The following LRP1B variants were observed in gnomAD, a reference collection of about 807,000 sequenced individuals.
The protein encoded by LRP1B is LDL receptor related protein 1B.
In LRP1B, 217 loss-of-function variants were observed where a neutral mutation model predicts 556.6. That is an observed-to-expected ratio of 0.39 (90% CI 0.35 to 0.44). The LOEUF is 0.44. Among genes scored for constraint, LRP1B ranks in the 20% least tolerant of loss-of-function variants. The pLI is 1.00. For synonymous variants in LRP1B, 2,047 were observed against 1,865.8 expected (o/e 1.10, Z -2.50); for missense variants, 5,053 against 5,620.8 (o/e 0.90, Z 3.23).
At chr2:141,848,476 A>G (rs1697731505) in intron 1 of LRP1B, among the ~76,000 whole-genome samples, 1 of 151,520 alleles carries the variant, frequency 6.6e-6, no homozygotes. Context: ...GTCTGTCACT[A>G]GGAGACTCTA....
chr2:140,480,073 T>C (rs1401013304), intron 59 of LRP1B, among the ~76,000 whole-genome samples: 1 of 152,164 alleles, frequency 6.6e-6, no homozygotes, highest in Non-Finnish European at 1.5e-5. Flanking sequence ...GCACAAAAAA[T>C]GATTAAGACA....
chr2:140,926,782 G>GT (rs561535009), intron 20 of LRP1B, among the ~76,000 whole-genome samples: 154 of 152,130 alleles, frequency 1.0e-3, no homozygotes, highest in African/African-American at 3.6e-3. Flanking sequence ...ATTGATGTGC[G>GT]TTTTTTTCCC....
intron 85 of LRP1B, among the ~76,000 whole-genome samples, chr2:140,272,818 GTATTA>G (rs1361615208): frequency 2.0e-5 from 3 of 151,840 alleles, no homozygotes; most frequent in Admixed American, 6.6e-5. Flanking sequence ...AATAAATCAA[GTATTA>G]TATTCCTAGT....
chr2:140,593,094 G>T (rs867531681), intron 43 of LRP1B, among the ~76,000 whole-genome samples: 1 of 152,102 alleles, frequency 6.6e-6, no homozygotes, highest in Non-Finnish European at 1.5e-5. Context: ...TTACTTAAAA[G>T]AGTTCATGTA....
intron 6 of LRP1B, 45 bp from the exon 7 acceptor site, chr2:141,188,628 A>G (rs748098803): frequency 3.9e-6 from 6 of 1,537,660 alleles, no homozygotes; most frequent in Non-Finnish European, 5.4e-6. Context: ...GGTGCAATCT[A>G]GCATCATGAT....
At chr2:140,522,415 G>A (rs1214371490) in intron 49 of LRP1B, among the ~76,000 whole-genome samples, 1 of 151,874 alleles carries the variant, frequency 6.6e-6, no homozygotes, top group East Asian at 1.9e-4. Context: ...TCTCTGAGAT[G>A]TGGCAAAAAC....
chr2:140,510,099 C>A (rs1242972734), intron 51 of LRP1B, 43 bp from the exon 52 acceptor site: 1 of 1,598,954 alleles, frequency 6.3e-7, no homozygotes, highest in South Asian at 1.1e-5. Context: ...ACTCTGTGTC[C>A]ACTGGAAAAT....
intron 2 of LRP1B, among the ~76,000 whole-genome samples, chr2:141,636,460 T>C (rs1209462102): frequency 6.6e-6 from 1 of 152,202 alleles, no homozygotes; most frequent in African/African-American, 2.4e-5. Context: ...ATTACTAATA[T>C]ATCAAATGTT....
intron 1 of LRP1B, among the ~76,000 whole-genome samples, chr2:141,891,106 A>G (rs2104914033): frequency 6.6e-6 from 1 of 152,278 alleles, no homozygotes; most frequent in East Asian, 1.9e-4. Context: ...ACTGGATGAA[A>G]TATTCAGAGA....
intron 5 of LRP1B, among the ~76,000 whole-genome samples, chr2:141,246,674 C>A (rs187205522): frequency 1.3e-5 from 2 of 152,122 alleles, no homozygotes; most frequent in African/African-American, 4.8e-5. Context: ...TTAGAAACTT[C>A]CTGCAATAGG....
At chr2:141,106,572 T>A (rs1437059995) in intron 7 of LRP1B, among the ~76,000 whole-genome samples, 2 of 152,002 alleles carry the variant, frequency 1.3e-5, no homozygotes, top group Non-Finnish European at 2.9e-5. Flanking sequence ...ATATCCAAAC[T>A]CAATTATGCA....
chr2:140,748,306 A>C (rs1688403282), intron 35 of LRP1B, among the ~76,000 whole-genome samples: 2 of 132,630 alleles, frequency 1.5e-5, no homozygotes, highest in Admixed American at 1.7e-4. Flanking sequence ...ATATTCATAT[A>C]TTATATTCAT....
rs1558942997 is a variant in LRP1B, at chr2:141,890,395, A to ATATATATATATATATGTATTGTG, written c.83-79995_83-79994insCACAATACATATATATATATATA. ...TATAGTGTGTATACATATATAGTGT[A>ATATATATATATATATGTATTGTG]TATATATATATATACTGAATTGAAA... is the stretch of plus-strand genomic sequence containing the variant. On this transcript the variant is annotated intron_variant, in intron 1 of 90. Coordinates refer to ENST00000389484, the MANE Select transcript of LRP1B (RefSeq NM_018557.3). Among the ~76,000 whole-genome samples, 98 of 122,516 alleles carry ATATATATATATATATGTATTGTG rather than the reference A, an allele frequency of 8.0e-4. 1 individual carries two copies. The highest frequency in any genetic ancestry group is 4.6e-3 in the East Asian group (22 of 4,778). The allele number at this position is 122,516 out of a possible 152,430, so 80.4% of individuals were successfully genotyped here.
At chr2:141,537,849 A>C (rs1216561380) in intron 2 of LRP1B, among the ~76,000 whole-genome samples, 7 of 152,138 alleles carry the variant, frequency 4.6e-5, no homozygotes, top group South Asian at 2.1e-4. Context: ...TAGATAAGAC[A>C]GGCTTCATTC....
At chr2:141,886,936 T>C (rs958873589) in intron 1 of LRP1B, among the ~76,000 whole-genome samples, 2 of 151,372 alleles carry the variant, frequency 1.3e-5, no homozygotes, top group Non-Finnish European at 2.9e-5. Flanking sequence ...TGTGTATGTG[T>C]GTGAGGGGAT....
chr2:140,922,689 TTA>T (rs1231929063), intron 21 of LRP1B, among the ~76,000 whole-genome samples: 49 of 152,094 alleles, frequency 3.2e-4, no homozygotes, highest in African/African-American at 1.2e-3. Flanking sequence ...AATTAATTAA[TTA>T]AATTAAATCC....
At chr2:141,838,274 A>G (rs930701917) in intron 1 of LRP1B, among the ~76,000 whole-genome samples, 1 of 152,158 alleles carries the variant, frequency 6.6e-6, no homozygotes, top group Non-Finnish European at 1.5e-5. Context: ...CAGTGTGAAT[A>G]AAGTAGCACC....
chr2:140,583,842 T>TA (rs879502930), intron 43 of LRP1B, among the ~76,000 whole-genome samples: 25 of 152,048 alleles, frequency 1.6e-4, no homozygotes, highest in African/African-American at 4.1e-4. Flanking sequence ...CAAAGGACTA[T>TA]AAAAAAATGA....
intron 1 of LRP1B, among the ~76,000 whole-genome samples, chr2:141,978,826 T>A (rs1701963047): frequency 6.6e-6 from 1 of 152,046 alleles, no homozygotes; most frequent in Non-Finnish European, 1.5e-5. Flanking sequence ...TCTTCTAGCA[T>A]TGATGTGGGA....
Sources: allele counts gnomAD v4.1 joint callset (sites outside exome capture counted in the v4.1 genomes callset), GRCh38; gene constraint gnomAD v4.1.1; transcripts MANE v1.5; gene names NCBI Gene and HGNC (gene_info 2026-07-23, HGNC 2026-07-21).